Variants in DHX38 observed in about 807,000 individuals in gnomAD.
DHX38 encodes the protein DEAH-box helicase 38.
In DHX38, 100 loss-of-function variants were observed where a neutral mutation model predicts 153.1. The observed-to-expected ratio is 0.65, with a 90% CI of 0.56 to 0.77. DHX38 has a LOEUF of 0.77. Ranked by LOEUF, DHX38 falls within the 30% of genes least tolerant of loss-of-function variation. DHX38 has a pLI of 0.00. For synonymous variants in DHX38, 650 were observed against 631.7 expected (o/e 1.03, Z -0.43); for missense variants, 1,440 against 1,654.0 (o/e 0.87, Z 2.24).
rs748758426 is a variant in DHX38 at position 72,108,378 on chromosome 16, G to A, written c.3116G>A (p.Arg1039Gln). 13 of 1,614,026 alleles carry A rather than the reference G, an allele frequency of 8.1e-6. No individual in the cohort carries two copies. Among genetic ancestry groups the A allele is most frequent in the Non-Finnish European group, 1.1e-5 (13 of 1,180,026 alleles). Residue 1039 changes from arginine to glutamine, a missense_variant, in exon 22 of 27, where the codon CGG (arginine) becomes CAG (glutamine). By Grantham distance (43) the Arg-to-Gln change is conservative (BLOSUM62 1). Coordinates refer to ENST00000268482, the MANE Select transcript of DHX38 (RefSeq NM_014003.4). ...CATTTCATCCATGCTAAGGCCATGCGGAAGGTAGAGTGGTGGATGAGCAGG... is the reference window on the plus strand; with the variant it reads ...CATTTCATCCATGCTAAGGCCATGCAGAAGGTAGAGTGGTGGATGAGCAGG... Reference protein sequence around the residue: ...NDHFIHAKAMRKVREVRAQLK... With the variant: ...NDHFIHAKAMQKVREVRAQLK...
At position 72,111,082 on chromosome 16, in the gene DHX38, G is replaced by T. The variant is rs2042250043; in HGVS notation, c.3599+5G>T. ...CAGCCCCCTGGGCAGTGTCAGGTGA[G>T]CTCCGGCCTTCGGGCTCTGGCTGGG... On this transcript the variant is annotated splice_donor_5th_base_variant and intron_variant, in intron 26 of 26. Transcript: ENST00000268482. 1 of 1,555,410 alleles carries T rather than the reference G, an allele frequency of 6.4e-7. No homozygotes were observed. Among genetic ancestry groups the T allele is most frequent in the Non-Finnish European group, 8.7e-7 (1 of 1,149,950 alleles).
Position 72,107,392 on chromosome 16 carries a change from G to C in DHX38, c.2653G>C (p.Glu885Gln). ...KNELLTTTVP[E>Q]IQRTNLANVV... is the part of the protein sequence containing the mutation. ...TGAGCTCCTGACCACCACAGTGCCC[G>C]AGATCCAGAGGACTAACCTGGCCAA... is the stretch of plus-strand genomic sequence containing the variant. The change falls in exon 20 of 27, where the codon GAG becomes CAG. Residue 885 changes from glutamate to glutamine, a missense_variant. Physicochemically the swap from Glu to Gln is conservative, Grantham distance 29. Transcript: ENST00000268482. The surrounding 1 kb of genome is among the most constrained non-coding windows in gnomAD (Gnocchi z 5.3). 6.2e-7 allele frequency: 1 copy of C among 1,613,750 alleles called. No individual in the cohort carries two copies. The highest frequency in any genetic ancestry group is 8.5e-7 in the Non-Finnish European group (1 of 1,180,026).
rs751768845 is a variant in DHX38 at position 72,107,356 on chromosome 16, G to T, written c.2617G>T (p.Ala873Ser). 6.2e-6 allele frequency: 10 copies of T among 1,610,384 alleles called. No individual in the cohort carries two copies. The East Asian group carries it at 2.0e-4, about 32-fold the overall frequency. ...CCCCGGCAGGCTCTACACCCAGAGC[G>T]CCTACAAGAATGAGCTCCTGACCAC... The part of the protein sequence containing the change: ...GQCFRLYTQS[A>S]YKNELLTTTV... The change falls in exon 20 of 27, where the codon GCC becomes TCC. Residue 873 changes from alanine (A) to serine (S), a missense_variant. By Grantham distance (99) the Ala-to-Ser change is moderately conservative (BLOSUM62 1). Coordinates refer to ENST00000268482, the MANE Select transcript of DHX38 (RefSeq NM_014003.4). The surrounding 1 kb of genome is among the most constrained non-coding windows in gnomAD (Gnocchi z 5.3).
intron 24 of DHX38, among the ~76,000 whole-genome samples, chr16:72,109,203 C>T (rs1468256610): frequency 3.9e-5 from 6 of 152,164 alleles, no homozygotes; most frequent in African/African-American, 7.2e-5. Flanking sequence ...GAAGGATTTT[C>T]GGAGGGGTTG....
rs2042143041 is a variant in DHX38 at position 72,104,352 on chromosome 16, C to T, written c.2011-134C>T. The T allele has an allele frequency of 2.3e-6, 3 of 1,329,730 alleles. No homozygotes were observed. The highest frequency in any genetic ancestry group is 2.5e-5 in the Admixed American group (1 of 40,618). 82.4% of individuals were successfully genotyped at this position (1,329,730 alleles called of 1,614,324 possible). ...GCAGTGGCTCCATTGCTTCAGTCTT[C>T]ATGATTGGTAAGAATTGAATAGGCC... On this transcript the variant is annotated intron_variant, in intron 14 of 26. Coordinates refer to ENST00000268482, the MANE Select transcript of DHX38 (RefSeq NM_014003.4). This position sits in a 1 kb window ranked among gnomAD's most constrained non-coding sequence, Gnocchi z 4.5.
chr16:72,096,872 G>A lies in DHX38; in HGVS notation c.374G>A (p.Ser125Asn), dbSNP rs1363924410. 4.3e-6 allele frequency: 7 copies of A among 1,613,882 alleles called. No homozygotes were observed. The highest frequency in any genetic ancestry group is 2.2e-5 in the East Asian group (1 of 44,902). ...VETPSHPGGV[S>N]EEFWERSRQR... ...ACTCCATCCCATCCGGGTGGTGTGA[G>A]CGAAGAGTTTTGGGAACGCAGTCGG... Residue 125 changes from serine (S) to asparagine (N), a missense_variant, in exon 3 of 27, where the codon AGC becomes AAC. Around this residue, in one of 6 missense-constraint regions of DHX38, gnomAD observed 483 missense variants for 465.1 expected, o/e 1.04. Coordinates refer to ENST00000268482, the MANE Select transcript of DHX38 (RefSeq NM_014003.4).
At chr16:72,105,685 G>A in intron 18 of DHX38, 61 bp downstream of exon 18, 1 of 1,566,552 alleles carries the variant, frequency 6.4e-7, no homozygotes, top group East Asian at 2.2e-5. Context: ...TAGCTGCGGG[G>A]TGGGAAGCCA....
intron 26 of DHX38, among the ~76,000 whole-genome samples, chr16:72,111,517 C>T (rs1176239444): frequency 6.6e-6 from 1 of 152,202 alleles, no homozygotes; most frequent in Non-Finnish European, 1.5e-5. Flanking sequence ...CTGGTGTCCC[C>T]ATGGACCCCT....
In DHX38 at chr16:72,104,376, C is replaced by A; in HGVS notation, c.2011-110C>A. 2.1e-6 allele frequency: 3 copies of A among 1,443,448 alleles called. No homozygotes were observed. Among genetic ancestry groups the A allele is most frequent in the Non-Finnish European group, 1.9e-6 (2 of 1,071,220 alleles). The allele number at this position is 1,443,448 out of a possible 1,614,324, so 89.4% of individuals were successfully genotyped here. Reference sequence around the variant, plus strand: ...TCATGATTGGTAAGAATTGAATAGGCCCATTTGTCAGCTTTGGCTTGTGTT... The same window carrying A: ...TCATGATTGGTAAGAATTGAATAGGACCATTTGTCAGCTTTGGCTTGTGTT... On this transcript the variant is annotated intron_variant, in intron 14 of 26. Transcript: ENST00000268482. This position sits in a 1 kb window ranked among gnomAD's most constrained non-coding sequence, Gnocchi z 4.5.
At position 72,099,255 on chromosome 16, in the gene DHX38, G is replaced by A. The variant is rs771943517; in HGVS notation, c.935G>A (p.Arg312Gln). Residue 312 changes from arginine to glutamine, a missense_variant, in exon 7 of 27, where the codon CGG (arginine) becomes CAG (glutamine). Physicochemically the swap from Arg to Gln is conservative, Grantham distance 43. Coordinates refer to ENST00000268482, the MANE Select transcript of DHX38 (RefSeq NM_014003.4). Reference protein sequence around the residue: ...EGISFDTEEERQQWEDDQRQA... With the variant: ...EGISFDTEEEQQQWEDDQRQA... ...ATTTCATTTGACACGGAGGAGGAGC[G>A]GCAGCAGTGGGAAGATGACCAGAGG... 3.9e-5 allele frequency: 63 copies of A among 1,612,390 alleles called. No homozygotes were observed. The highest frequency in any genetic ancestry group is 5.3e-5 in the Non-Finnish European group (62 of 1,179,540).
Position 72,096,809 on chromosome 16 carries a change from C to A in DHX38, c.324-13C>A. The A allele has an allele frequency of 6.2e-7, 1 of 1,604,156 alleles. No individual in the cohort carries two copies. The highest frequency in any genetic ancestry group is 8.5e-7 in the Non-Finnish European group (1 of 1,174,508). On this transcript the variant is annotated splice_polypyrimidine_tract_variant and intron_variant, in intron 2 of 26. Transcript: ENST00000268482. Reference sequence around the variant, plus strand: ...TATGGAGGGGCCTTTACCAGTTGCTCTCCCTGTTTCAGACATTATCGGTCT... The same window carrying A: ...TATGGAGGGGCCTTTACCAGTTGCTATCCCTGTTTCAGACATTATCGGTCT...
rs529808628 is a variant in DHX38 at position 72,104,882 on chromosome 16, C to G, written c.2152-145C>G. The G allele has an allele frequency of 4.6e-6, 4 of 863,226 alleles. No homozygotes were observed. The highest frequency in any genetic ancestry group is 7.0e-6 in the Non-Finnish European group (4 of 569,168). The allele number at this position is 863,226 out of a possible 1,614,324, so 53.5% of individuals were successfully genotyped here. On this transcript the variant is annotated intron_variant, in intron 15 of 26. Coordinates refer to ENST00000268482, the MANE Select transcript of DHX38 (RefSeq NM_014003.4). This position sits in a 1 kb window ranked among gnomAD's most constrained non-coding sequence, Gnocchi z 4.5. ...GCACTGTGCCCTCTTGTAGAGGCCTCGCAGTCAGGCCCATGTGGAGGTGTG... is the reference window on the plus strand; with the variant it reads ...GCACTGTGCCCTCTTGTAGAGGCCTGGCAGTCAGGCCCATGTGGAGGTGTG...
intron 19 of DHX38, among the ~76,000 whole-genome samples, chr16:72,106,377 A>G (rs1175732939): frequency 6.6e-6 from 1 of 151,356 alleles, no homozygotes; most frequent in African/African-American, 2.4e-5. Flanking sequence ...GCCTCCCTTC[A>G]GAGGGTAGGT....
chr16:72,099,674 G>A, intron 7 of DHX38, 58 bp from the exon 8 acceptor site: 1 of 1,599,528 alleles, frequency 6.3e-7, no homozygotes. Context: ...TGTTGGCCAT[G>A]TCTCGTGCAT....
At chr16:72,105,719 T>C (rs1220953285) in intron 18 of DHX38, 95 bp downstream of exon 18, 2 of 1,253,828 alleles carry the variant, frequency 1.6e-6, no homozygotes, top group Non-Finnish European at 2.3e-6. Context: ...GGCCCTGGGA[T>C]GTGGGGAGCG....
chr16:72,108,842 C>A lies in DHX38; in HGVS notation c.3298C>A (p.His1100Asn). The A allele has an allele frequency of 6.2e-7, 1 of 1,614,072 alleles. No homozygotes were observed. Among genetic ancestry groups the A allele is most frequent in the African/African-American group, 1.3e-5 (1 of 75,068 alleles). The change falls in exon 24 of 27, where the codon CAC (histidine) becomes AAC (asparagine). Residue 1100 changes from histidine to asparagine, a missense_variant. Around this residue, in one of 6 missense-constraint regions of DHX38, gnomAD observed 543 missense variants for 717.9 expected, o/e 0.76. Coordinates refer to ENST00000268482, the MANE Select transcript of DHX38 (RefSeq NM_014003.4). ...GAACATCCGCACAGGGATGCCCTGCCACTTGCACCCCACCAGCTCCCTTTT... is the reference window on the plus strand; with the variant it reads ...GAACATCCGCACAGGGATGCCCTGCAACTTGCACCCCACCAGCTCCCTTTT... ...YVNIRTGMPC[H>N]LHPTSSLFGM...
At chr16:72,103,283 A>G in intron 12 of DHX38, 72 bp downstream of exon 12, 10 of 1,555,302 alleles carry the variant, frequency 6.4e-6, no homozygotes, top group Non-Finnish European at 8.7e-6. Flanking sequence ...TTTACCCAGG[A>G]GCTCTTTTTC....
Position 72,104,384 on chromosome 16 carries a change from T to C in DHX38, c.2011-102T>C. The C allele has an allele frequency of 6.7e-7, 1 of 1,495,552 alleles. No individual in the cohort carries two copies. The allele number at this position is 1,495,552 out of a possible 1,614,324, so 92.6% of individuals were successfully genotyped here. Reference sequence around the variant, plus strand: ...GGTAAGAATTGAATAGGCCCATTTGTCAGCTTTGGCTTGTGTTTCCTCGGG... The same window carrying C: ...GGTAAGAATTGAATAGGCCCATTTGCCAGCTTTGGCTTGTGTTTCCTCGGG... On this transcript the variant is annotated intron_variant, in intron 14 of 26. Coordinates refer to ENST00000268482, the MANE Select transcript of DHX38 (RefSeq NM_014003.4). This position sits in a 1 kb window ranked among gnomAD's most constrained non-coding sequence, Gnocchi z 4.5.
chr16:72,095,552 T>C (rs920166061), intron 1 of DHX38, among the ~76,000 whole-genome samples: 3 of 152,212 alleles, frequency 2.0e-5, no homozygotes, highest in Non-Finnish European at 4.4e-5. Flanking sequence ...AGCAGTTACA[T>C]TTATGTTAAC....
Sources: allele counts gnomAD v4.1 joint callset (sites outside exome capture counted in the v4.1 genomes callset), GRCh38; gene constraint gnomAD v4.1.1; regional missense constraint gnomAD v4.1.1; non-coding constraint Gnocchi (gnomAD v3.1); transcripts MANE v1.5; gene names NCBI Gene and HGNC (gene_info 2026-07-23, HGNC 2026-07-21).